Variants in DNAH7 observed in about 807,000 individuals in gnomAD.
DNAH7 encodes dynein axonemal heavy chain 7, also known as axonemal beta dynein heavy chain 7.
A neutral mutation model predicts 444.6 loss-of-function variants in DNAH7; 397 were observed. The ratio of observed to expected loss-of-function variants is 0.89; its 90% confidence interval spans 0.82 to 0.97. DNAH7 has a LOEUF of 0.97. Among genes scored for constraint, DNAH7 ranks in the 50% least tolerant of loss-of-function variants. The pLI is 0.00. For missense variants in DNAH7, 4,902 were observed against 4,800.8 expected, an observed-to-expected ratio of 1.02 and a Z score of -0.62; for synonymous variants, 1,636 against 1,624.4, an observed-to-expected ratio of 1.01 and a Z score of -0.17.
intron 4 of DNAH7, among the ~76,000 whole-genome samples, chr2:196,047,762 A>G (rs1575099746): frequency 6.6e-6 from 1 of 152,010 alleles, no homozygotes; most frequent in East Asian, 1.9e-4. Flanking sequence ...TATTATATTT[A>G]CATATGATTC....
Position 196,068,640 on chromosome 2 carries a change from G to GAAACGC in DNAH7, c.15+51_15+56dup, listed in dbSNP as rs1276231655. The GAAACGC allele has an allele frequency of 1.9e-6, 3 of 1,548,488 alleles. No homozygotes were observed. The East Asian group carries it at 7.3e-5, about 38-fold the overall frequency. ...GGCAGGAGGGGCTTCCACCACTTCC[G>GAAACGC]AAACGCCTGGGAAGCGTCGCGGCGG... On this transcript the variant is annotated intron_variant, in intron 1 of 64. Transcript: ENST00000312428.
chr2:195,916,098 GA>G (rs1687657052), intron 24 of DNAH7, among the ~76,000 whole-genome samples: 1 of 152,110 alleles, frequency 6.6e-6, no homozygotes, highest in Non-Finnish European at 1.5e-5. Flanking sequence ...AAATGGTGGT[GA>G]AACAACTGGA....
intron 12 of DNAH7, among the ~76,000 whole-genome samples, chr2:195,998,437 G>A (rs1260852870): frequency 6.6e-6 from 1 of 152,064 alleles, no homozygotes; most frequent in Non-Finnish European, 1.5e-5. Context: ...AGCCACGCAT[G>A]GTGGCGGGTG....
intron 5 of DNAH7, among the ~76,000 whole-genome samples, chr2:196,039,422 A>C (rs4850651): frequency 0.48 from 73,575 of 151,996 alleles, 20,387 homozygotes; most frequent in South Asian, 0.64. Flanking sequence ...ACATAAAAAC[A>C]TACCTTAAGG....
At chr2:195,995,605 A>C (rs1309568350) in intron 12 of DNAH7, 1 of 293,880 alleles carries the variant, frequency 3.4e-6, no homozygotes, top group East Asian at 9.7e-5. Context: ...CCAGCTAGAG[A>C]GGGGACCCGG....
chr2:195,881,140 T>C (rs1172161796), intron 36 of DNAH7, among the ~76,000 whole-genome samples: 1 of 152,198 alleles, frequency 6.6e-6, no homozygotes, highest in Non-Finnish European at 1.5e-5. Context: ...TGAAAGAGAT[T>C]ATTCAATAAA....
Position 195,853,389 on chromosome 2 carries a change from G to C in DNAH7, c.8735C>G (p.Ser2912Cys). Residue 2912 changes from serine to cysteine, a missense_variant, in exon 46 of 65, where the codon TCC (serine) becomes TGC (cysteine). Physicochemically the swap from Ser to Cys is moderately radical, Grantham distance 112. Transcript: ENST00000312428. ...GGCTCCGAGGTAAGCAACCACTCCGGAGGAAATGAGGATATCCCCAGTCAA... is the reference window on the plus strand; with the variant it reads ...GGCTCCGAGGTAAGCAACCACTCCGCAGGAAATGAGGATATCCCCAGTCAA... ...INLTGDILIS[S>C]GVVAYLGAFT... 6.2e-7 allele frequency: 1 copy of C among 1,614,062 alleles called. No individual in the cohort carries two copies. The highest frequency in any genetic ancestry group is 1.1e-5 in the South Asian group (1 of 91,070).
At chr2:196,016,373 T>C (rs1344561856) in intron 9 of DNAH7, among the ~76,000 whole-genome samples, 1 of 152,194 alleles carries the variant, frequency 6.6e-6, no homozygotes, top group African/African-American at 2.4e-5. Flanking sequence ...CCTTGTCAGC[T>C]GAGAAGAGGT....
At chr2:195,775,420 C>T (rs1433252659) in intron 60 of DNAH7, among the ~76,000 whole-genome samples, 1 of 152,068 alleles carries the variant, frequency 6.6e-6, no homozygotes, top group Non-Finnish European at 1.5e-5. Context: ...TGTTCTGGAA[C>T]AGCTGTTGAA....
chr2:196,011,996 G>C (rs553602473), intron 10 of DNAH7, among the ~76,000 whole-genome samples: 1 of 151,998 alleles, frequency 6.6e-6, no homozygotes, highest in Admixed American at 6.6e-5. Context: ...AAAATAAAAG[G>C]CTAAAGTTTT....
chr2:195,860,660 T>C (rs1009451549), intron 42 of DNAH7, among the ~76,000 whole-genome samples: 4 of 152,014 alleles, frequency 2.6e-5, no homozygotes, highest in Non-Finnish European at 4.4e-5. Context: ...TCCTTCAAAA[T>C]GCTTGAGATA....
At chr2:195,855,697 T>C (rs1376113021) in intron 45 of DNAH7, 114 bp downstream of exon 45, 1 of 1,167,228 alleles carries the variant, frequency 8.6e-7, no homozygotes, top group African/African-American at 1.5e-5. Flanking sequence ...GGTCATAGTT[T>C]GCCAATCCCT....
chr2:195,959,264 C>T (rs1045306596), intron 18 of DNAH7, among the ~76,000 whole-genome samples: 1 of 152,142 alleles, frequency 6.6e-6, no homozygotes, highest in Non-Finnish European at 1.5e-5. Context: ...CAATGCTTAT[C>T]ACTGAATTTG....
intron 15 of DNAH7, among the ~76,000 whole-genome samples, chr2:195,975,388 C>G (rs1692121534): frequency 6.6e-6 from 1 of 152,134 alleles, no homozygotes; most frequent in Non-Finnish European, 1.5e-5. Flanking sequence ...GCAGCCCTAG[C>G]CAGAGGGAAA....
At chr2:195,997,815 C>A (rs1559317830) in intron 12 of DNAH7, among the ~76,000 whole-genome samples, 1 of 152,106 alleles carries the variant, frequency 6.6e-6, no homozygotes, top group African/African-American at 2.4e-5. Flanking sequence ...TGATACCCTA[C>A]ATATCACTTG....
Position 195,746,112 on chromosome 2 carries a change from G to A in DNAH7, c.11765-5243C>T, listed in dbSNP as rs199609496. ...GCTGTATTCAGGAAATCCATCTCACGTGCAGAGACACATAGGCTCAAGATA... is the reference window on the plus strand; with the variant it reads ...GCTGTATTCAGGAAATCCATCTCACATGCAGAGACACATAGGCTCAAGATA... On this transcript the variant is annotated intron_variant, in intron 63 of 64. Coordinates refer to ENST00000312428, the MANE Select transcript of DNAH7 (RefSeq NM_018897.3). 9.2e-5 allele frequency among the ~76,000 whole-genome samples: 14 copies of A among 152,196 alleles called. No individual in the cohort carries two copies. In the East Asian group the frequency reaches 2.3e-3, roughly 25 times the overall value.
At chr2:195,894,806 C>T in intron 30 of DNAH7, 170 bp downstream of exon 30, 1 of 596,022 alleles carries the variant, frequency 1.7e-6, no homozygotes, top group South Asian at 5.1e-5. Context: ...CCTTTATATG[C>T]TGAACTTCCT....
chr2:195,806,883 C>G (rs758367691), intron 53 of DNAH7, 51 bp from the exon 54 acceptor site: 2 of 1,466,222 alleles, frequency 1.4e-6, no homozygotes, highest in Admixed American at 1.8e-5. Context: ...ATAAAGAGAA[C>G]AGTATTTTCA....
intron 36 of DNAH7, 49 bp from the exon 37 acceptor site, chr2:195,876,748 C>CA: frequency 3.0e-6 from 4 of 1,335,164 alleles, no homozygotes; most frequent in Non-Finnish European, 4.2e-6. Flanking sequence ...TATGTTTTGA[C>CA]ATTTCAGAAT....
Sources: allele counts gnomAD v4.1 joint callset (sites outside exome capture counted in the v4.1 genomes callset), GRCh38; gene constraint gnomAD v4.1.1; transcripts MANE v1.5; gene names NCBI Gene and HGNC (gene_info 2026-07-23, HGNC 2026-07-21).